The following COL23A1 variants were observed in gnomAD, a reference collection of about 807,000 sequenced individuals.
The protein encoded by COL23A1 is collagen type XXIII alpha 1 chain.
COL23A1 carries 97 observed loss-of-function variants against 99.3 expected under a neutral mutation model. The ratio of observed to expected loss-of-function variants is 0.98; its 90% CI spans 0.83 to 1.16. COL23A1 has a LOEUF of 1.16. COL23A1 is among the 50% of genes most tolerant of loss of function. The pLI is 0.00. For missense variants in COL23A1, 762 were observed against 757.4 expected (o/e 1.01, Z -0.07); for synonymous variants, 320 against 308.2 (o/e 1.04, Z -0.40).
intron 17 of COL23A1, among the ~76,000 whole-genome samples, chr5:178,250,945 C>T (rs1764997069): frequency 6.9e-6 from 1 of 144,308 alleles, no homozygotes; most frequent in Non-Finnish European, 1.5e-5. Flanking sequence ...TGCCACTGCA[C>T]TCCAGCCTGG....
chr5:178,562,029 G>A (rs759481836), intron 1 of COL23A1: 10 of 518,516 alleles, frequency 1.9e-5, no homozygotes, highest in Non-Finnish European at 3.4e-5. Flanking sequence ...AAGTTACCAC[G>A]GTCAAAGTGT....
At chr5:178,565,142 A>G (rs1345748993) in intron 1 of COL23A1, among the ~76,000 whole-genome samples, 1 of 152,236 alleles carries the variant, frequency 6.6e-6, no homozygotes, top group Admixed American at 6.5e-5. Flanking sequence ...AAACACAGGC[A>G]TGGGGGAACA....
intron 2 of COL23A1, among the ~76,000 whole-genome samples, chr5:178,479,508 C>T (rs754217265): frequency 2.6e-5 from 4 of 152,210 alleles, no homozygotes; most frequent in Non-Finnish European, 5.9e-5. Flanking sequence ...CTCTTTAATA[C>T]ACCCCAGGAA....
intron 1 of COL23A1, among the ~76,000 whole-genome samples, chr5:178,587,616 C>T (rs1764066828): frequency 6.6e-6 from 1 of 152,206 alleles, no homozygotes; most frequent in South Asian, 2.1e-4. Context: ...GAGAACAAAT[C>T]AGAACTGAAA....
intron 5 of COL23A1, among the ~76,000 whole-genome samples, chr5:178,275,498 C>T (rs889215016): frequency 2.6e-5 from 4 of 152,238 alleles, no homozygotes; most frequent in Non-Finnish European, 5.9e-5. Flanking sequence ...GCCCTATAAA[C>T]GTTATAAAGT....
intron 3 of COL23A1, among the ~76,000 whole-genome samples, chr5:178,304,440 G>A (rs4484453): frequency 7.0e-6 from 1 of 143,106 alleles, no homozygotes; most frequent in Non-Finnish European, 1.5e-5. Context: ...AATCTGGGAA[G>A]CAGAGGCTGC....
intron 2 of COL23A1, among the ~76,000 whole-genome samples, chr5:178,481,554 G>C (rs1434429472): frequency 6.6e-6 from 1 of 151,980 alleles, no homozygotes; most frequent in South Asian, 2.1e-4. Context: ...ATTAAAAAAT[G>C]GGCAAAGAGC....
At chr5:178,300,343 G>A (rs577839765) in intron 3 of COL23A1, among the ~76,000 whole-genome samples, 92 of 152,212 alleles carry the variant, frequency 6.0e-4, no homozygotes, top group Non-Finnish European at 1.2e-3. Flanking sequence ...TGGGATTACA[G>A]GCATGAGCCA....
intron 1 of COL23A1, among the ~76,000 whole-genome samples, chr5:178,578,708 G>A (rs1763517664): frequency 4.1e-5 from 5 of 122,202 alleles, no homozygotes; most frequent in Non-Finnish European, 8.0e-5. Flanking sequence ...CAGGAGAATA[G>A]ATTTTCTCAT....
intron 25 of COL23A1, among the ~76,000 whole-genome samples, chr5:178,243,084 G>A (rs1764494007): frequency 6.6e-6 from 1 of 152,174 alleles, no homozygotes; most frequent in African/African-American, 2.4e-5. Context: ...CAGCTACTTG[G>A]GAGACTGAGG....
chr5:178,254,886 A>T (rs1412819395), intron 16 of COL23A1, 63 bp downstream of exon 16: 2 of 1,369,576 alleles, frequency 1.5e-6, no homozygotes, highest in Non-Finnish European at 2.1e-6. Flanking sequence ...TCACAAAGGG[A>T]GTGATTATTC....
At chr5:178,259,793 G>T in intron 11 of COL23A1, 46 bp from the exon 12 acceptor site, 3 of 1,564,268 alleles carry the variant, frequency 1.9e-6, no homozygotes, top group Non-Finnish European at 8.7e-7. Flanking sequence ...AAAACCATAG[G>T]AGAGTGGCCC....
At chr5:178,523,149 T>A (rs1305582287) in intron 2 of COL23A1, among the ~76,000 whole-genome samples, 38 of 91,954 alleles carry the variant, frequency 4.1e-4, no homozygotes, top group African/African-American at 1.3e-3. Flanking sequence ...TAAAAATATA[T>A]ATATATATAT....
intron 19 of COL23A1, 25 bp from the exon 20 acceptor site, chr5:178,248,279 GTCC>G (rs1183489061): frequency 6.3e-7 from 1 of 1,591,428 alleles, no homozygotes; most frequent in Non-Finnish European, 8.6e-7. Context: ...TGGCCTGTGA[GTCC>G]TTTGTGTCCA....
intron 2 of COL23A1, among the ~76,000 whole-genome samples, chr5:178,519,686 G>C (rs1759831909): frequency 1.3e-5 from 2 of 152,326 alleles, no homozygotes; most frequent in East Asian, 1.9e-4. Context: ...CTGGTCACTG[G>C]TGCTGCCCAT....
intron 2 of COL23A1, among the ~76,000 whole-genome samples, chr5:178,535,064 G>A (rs889916520): frequency 6.7e-6 from 1 of 149,158 alleles, no homozygotes; most frequent in Admixed American, 6.8e-5. Flanking sequence ...TCTGCCTCCA[G>A]TGTTCAAGCG....
chr5:178,319,534 C>T lies in COL23A1; in HGVS notation c.362-12615G>A, dbSNP rs980192253. Among the ~76,000 whole-genome samples, 5 of 152,152 alleles carry T rather than the reference C, an allele frequency of 3.3e-5. No individual in the cohort carries two copies. In the East Asian group the frequency reaches 5.8e-4, roughly 18 times the overall value. ...GGGCAGGTGAGGCCTGGGGCATGGC[C>T]GGTGGGCGTGGGCAAGGCCTTTGGC... On this transcript the variant is annotated intron_variant, in intron 2 of 28. Transcript: ENST00000390654.
chr5:178,250,225 T>G, intron 17 of COL23A1, 120 bp from the exon 18 acceptor site: 4 of 1,111,658 alleles, frequency 3.6e-6, no homozygotes, highest in Non-Finnish European at 4.0e-6. Flanking sequence ...GTTGGACCTC[T>G]AGCTGTGCCA....
intron 5 of COL23A1, among the ~76,000 whole-genome samples, chr5:178,287,765 A>C (rs1757235328): frequency 6.6e-6 from 1 of 152,090 alleles, no homozygotes; most frequent in South Asian, 2.1e-4. Flanking sequence ...CACGACCCTC[A>C]ACCCCCGCAC....
Sources: allele counts gnomAD v4.1 joint callset (sites outside exome capture counted in the v4.1 genomes callset), GRCh38; gene constraint gnomAD v4.1.1; transcripts MANE v1.5; gene names NCBI Gene and HGNC (gene_info 2026-07-23, HGNC 2026-07-21).